The following SH3D19 variants were observed in gnomAD, a reference collection of about 807,000 sequenced individuals.
The protein encoded by SH3D19 is SH3 domain containing 19.
Under a neutral mutation model 112.1 loss-of-function variants are expected in SH3D19, and 58 were observed. That is an observed-to-expected ratio of 0.52 (90% CI 0.42 to 0.64). The LOEUF is 0.64. Among genes scored for constraint, SH3D19 ranks in the 30% least tolerant of loss-of-function variants. The pLI, the probability that SH3D19 is intolerant of heterozygous loss-of-function variation, is 0.00. For missense variants in SH3D19, 1,090 were observed against 1,263.4 expected, an observed-to-expected ratio of 0.86 and a Z score of 2.08; for synonymous variants, 391 against 448.5, an observed-to-expected ratio of 0.87 and a Z score of 1.62.
intron 1 of SH3D19, among the ~76,000 whole-genome samples, chr4:151,297,907 G>A (rs4696242): frequency 3.3e-5 from 5 of 152,244 alleles, no homozygotes; most frequent in Admixed American, 3.3e-4. Flanking sequence ...GAGTAAGATA[G>A]GAGGATCAGG....
Position 151,128,318 on chromosome 4 carries a change from G to A in SH3D19, c.2781C>T (p.His927=). ...CATCACTGGTCTCTGCTGTAAAACTGTGAAGAGCTTCACACCATTCTGCCG... is the reference window on the plus strand; with the variant it reads ...CATCACTGGTCTCTGCTGTAAAACTATGAAGAGCTTCACACCATTCTGCCG... ...SLPAEWCEAL[H]SFTAETSDDL... The change falls in exon 18 of 20, where the codon CAC becomes CAT. Residue 927 remains histidine (H), a synonymous_variant. Transcript: ENST00000604030. 6.2e-7 allele frequency: 1 copy of A among 1,613,938 alleles called. No homozygotes were observed. Among genetic ancestry groups the A allele is most frequent in the Non-Finnish European group, 8.5e-7 (1 of 1,179,928 alleles).
intron 1 of SH3D19, among the ~76,000 whole-genome samples, chr4:151,277,504 A>G (rs1277236424): frequency 1.3e-5 from 2 of 152,162 alleles, no homozygotes; most frequent in Non-Finnish European, 2.9e-5. Flanking sequence ...GGTAATAAGT[A>G]CTATGAAAGG....
chr4:151,323,798 T>C (rs1222645822), intron 1 of SH3D19, among the ~76,000 whole-genome samples: 2 of 152,210 alleles, frequency 1.3e-5, no homozygotes, highest in Non-Finnish European at 2.9e-5. Context: ...ATATTGCAAC[T>C]AAATGATAAA....
chr4:151,133,735 G>A (rs1386647481), intron 15 of SH3D19, among the ~76,000 whole-genome samples: 1 of 152,146 alleles, frequency 6.6e-6, no homozygotes, highest in Non-Finnish European at 1.5e-5. Flanking sequence ...TTAAAAACTA[G>A]GAGGTTTAAA....
chr4:151,296,207 C>A (rs17590780), intron 1 of SH3D19, among the ~76,000 whole-genome samples: 54,295 of 151,964 alleles, frequency 0.36, 10,786 homozygotes, highest in Non-Finnish European at 0.46. Context: ...TCTCCTGCTT[C>A]AAGTATACAA....
At chr4:151,230,821 C>T (rs1033958239) in intron 1 of SH3D19, among the ~76,000 whole-genome samples, 1 of 151,972 alleles carries the variant, frequency 6.6e-6, no homozygotes, top group African/African-American at 2.4e-5. Context: ...CCTCATGATC[C>T]AGCCACCTCA....
chr4:151,293,452 G>A (rs368763101), intron 1 of SH3D19, among the ~76,000 whole-genome samples: 2 of 149,190 alleles, frequency 1.3e-5, no homozygotes, highest in Non-Finnish European at 2.9e-5. Context: ...CAGCCTGGGC[G>A]ACAGAGCAAG....
chr4:151,308,526 T>C (rs11935875), intron 1 of SH3D19, among the ~76,000 whole-genome samples: 47,221 of 152,124 alleles, frequency 0.31, 7,720 homozygotes, highest in East Asian at 0.47. Flanking sequence ...TGGGATGGGT[T>C]TGAAAAGGCA....
At chr4:151,185,250 T>C (rs1412663369) in intron 3 of SH3D19, among the ~76,000 whole-genome samples, 1 of 152,068 alleles carries the variant, frequency 6.6e-6, no homozygotes, top group Non-Finnish European at 1.5e-5. Flanking sequence ...TATGACTCAG[T>C]GAAAGGAGGC....
In SH3D19 at chr4:151,268,040, T is replaced by A. The variant is rs79065413; in HGVS notation, c.113-41954A>T. Among the ~76,000 whole-genome samples the A allele has an allele frequency of 1.3e-3, 198 of 152,302 alleles. 8 individuals carry two copies. In the East Asian group the frequency reaches 0.033, roughly 26 times the overall value. On this transcript the variant is annotated intron_variant, in intron 1 of 19. Coordinates refer to ENST00000604030, the MANE Select transcript of SH3D19 (RefSeq NM_001378122.1). ...AATGATGGAGATCCGTCCTGAGAAA[T>A]GTGTCATTAGGTGATTTCGTCATTG...
At chr4:151,296,281 T>C (rs12649929) in intron 1 of SH3D19, among the ~76,000 whole-genome samples, 54,254 of 151,974 alleles carry the variant, frequency 0.36, 10,784 homozygotes, top group Middle Eastern at 0.45. Flanking sequence ...TGTGATTCTA[T>C]TTCAAAGAAA....
chr4:151,256,322 G>C (rs1341826137), intron 1 of SH3D19, among the ~76,000 whole-genome samples: 1 of 152,204 alleles, frequency 6.6e-6, no homozygotes, highest in Non-Finnish European at 1.5e-5. Context: ...AAAATGTCGA[G>C]AAAGTCCAAA....
chr4:151,248,279 C>A (rs1352812760), intron 1 of SH3D19, among the ~76,000 whole-genome samples: 1 of 152,018 alleles, frequency 6.6e-6, no homozygotes, highest in Admixed American at 6.6e-5. Flanking sequence ...TTCTTAATTT[C>A]TTCTATTTTT....
At chr4:151,156,239 G>A (rs1756082639) in intron 9 of SH3D19, among the ~76,000 whole-genome samples, 2 of 151,898 alleles carry the variant, frequency 1.3e-5, no homozygotes, top group African/African-American at 4.8e-5. Flanking sequence ...GTTAAAATGA[G>A]AATATTACCC....
At chr4:151,193,082 T>C (rs12508270) in intron 2 of SH3D19, among the ~76,000 whole-genome samples, 13,780 of 152,118 alleles carry the variant, frequency 0.091, 906 homozygotes, top group East Asian at 0.19. Context: ...AACTCAATTC[T>C]ACTCATAGAG....
intron 1 of SH3D19, among the ~76,000 whole-genome samples, chr4:151,317,383 T>C (rs1039728304): frequency 6.6e-6 from 1 of 152,222 alleles, no homozygotes; most frequent in Non-Finnish European, 1.5e-5. Context: ...ACAAAGCTAA[T>C]TGACAGATGG....
At chr4:151,310,795 C>T (rs1316802076) in intron 1 of SH3D19, among the ~76,000 whole-genome samples, 3 of 151,576 alleles carry the variant, frequency 2.0e-5, no homozygotes, top group African/African-American at 7.3e-5. Context: ...TGGTCTCGAA[C>T]TCCTGACCTT....
chr4:151,236,175 C>T (rs371950125), intron 1 of SH3D19, among the ~76,000 whole-genome samples: 6 of 152,282 alleles, frequency 3.9e-5, no homozygotes, highest in Non-Finnish European at 7.3e-5. Context: ...CCTGCCGCTG[C>T]GCTGTGGGGG....
intron 1 of SH3D19, among the ~76,000 whole-genome samples, chr4:151,230,971 T>C (rs1239573711): frequency 6.6e-6 from 1 of 152,176 alleles, no homozygotes; most frequent in East Asian, 1.9e-4. Flanking sequence ...CTCCCAAGCA[T>C]TACTGTTAAG....
Sources: allele counts gnomAD v4.1 joint callset (sites outside exome capture counted in the v4.1 genomes callset), GRCh38; gene constraint gnomAD v4.1.1; transcripts MANE v1.5; gene names NCBI Gene and HGNC (gene_info 2026-07-23, HGNC 2026-07-21).